The following CALCRL variants were observed in gnomAD, a reference collection of about 807,000 sequenced individuals.
The protein encoded by CALCRL is calcitonin receptor like receptor.
In CALCRL, 27 loss-of-function variants were observed where a neutral mutation model predicts 60.4. That is an observed-to-expected ratio of 0.45 (90% CI 0.33 to 0.62). The LOEUF is 0.62. CALCRL is among the 20% of genes least tolerant of loss of function. The pLI is 0.03. For synonymous variants in CALCRL, 190 were observed against 182.6 expected (o/e 1.04, Z -0.33); for missense variants, 424 against 540.7 (o/e 0.78, Z 2.14).
At chr2:187,391,349 G>T (rs1478396202) in intron 1 of CALCRL, among the ~76,000 whole-genome samples, 2 of 152,100 alleles carry the variant, frequency 1.3e-5, no homozygotes, top group African/African-American at 4.8e-5. Context: ...ATTATTTACT[G>T]ATAATTGAAC....
At chr2:187,422,207 T>C (rs1300432013) in intron 1 of CALCRL, among the ~76,000 whole-genome samples, 5 of 152,196 alleles carry the variant, frequency 3.3e-5, no homozygotes, top group Admixed American at 1.3e-4. Context: ...AAAATAGATA[T>C]TTATATCTGT....
chr2:187,403,003 CAAGGAGAGACCATGTG>C (rs1203789951), intron 1 of CALCRL, among the ~76,000 whole-genome samples: 5 of 151,360 alleles, frequency 3.3e-5, no homozygotes, highest in African/African-American at 1.2e-4. Context: ...CTGCATGCAC[CAAGGAGAGACCATGTG>C]AAGATACAAC....
At chr2:187,352,055 G>A (rs1686556721) in intron 13 of CALCRL, 59 bp downstream of exon 13, 3 of 1,549,708 alleles carry the variant, frequency 1.9e-6, no homozygotes, top group East Asian at 2.2e-5. Flanking sequence ...GTAAACCAAA[G>A]CTATATGTAT....
At chr2:187,368,731 T>G (rs1339120856) in intron 8 of CALCRL, among the ~76,000 whole-genome samples, 1 of 152,134 alleles carries the variant, frequency 6.6e-6, no homozygotes, top group African/African-American at 2.4e-5. Flanking sequence ...TAGCACAGTC[T>G]ACAAAGTATT....
intron 1 of CALCRL, among the ~76,000 whole-genome samples, chr2:187,445,072 T>C (rs574493668): frequency 2.8e-4 from 43 of 151,760 alleles, no homozygotes; most frequent in African/African-American, 9.6e-4. Flanking sequence ...TGAATGTTTA[T>C]AGTTTACCCA....
At chr2:187,378,157 G>A (rs1293695963) in intron 8 of CALCRL, among the ~76,000 whole-genome samples, 1 of 151,914 alleles carries the variant, frequency 6.6e-6, no homozygotes, top group Non-Finnish European at 1.5e-5. Flanking sequence ...AGAAGAAAGA[G>A]AAGGAGCAGC....
chr2:187,424,262 AT>A (rs1690023745), intron 1 of CALCRL, among the ~76,000 whole-genome samples: 1 of 151,966 alleles, frequency 6.6e-6, no homozygotes, highest in African/African-American at 2.4e-5. Context: ...CTTGGCAGGA[AT>A]GTTTTAGATT....
At position 187,346,330 on chromosome 2, in the gene CALCRL, C is replaced by T. The variant is rs777141533; in HGVS notation, c.1240G>A (p.Glu414Lys). The T allele has an allele frequency of 5.0e-6, 8 of 1,612,402 alleles. No individual in the cohort carries two copies. The East Asian group carries it at 1.6e-4, about 31-fold the overall frequency. The part of the protein sequence containing the change: ...IQFGNSFSNS[E>K]ALRSASYTVS... ...GTGTAAGACGCACTACGAAGAGCTT[C>T]TGAGTTGGAAAAGCTGTTTCCAAAT... Residue 414 changes from glutamate (E) to lysine (K), a missense_variant, in exon 15 of 15, where the codon GAA (glutamate) becomes AAA (lysine). By Grantham distance (56) the Glu-to-Lys change is moderately conservative. Around this residue, in one of 7 missense-constraint regions of CALCRL, gnomAD observed 222 missense variants for 265.6 expected, o/e 0.84. Transcript: ENST00000392370.
At chr2:187,382,998 A>C (rs944581673) in intron 5 of CALCRL, among the ~76,000 whole-genome samples, 175 bp downstream of exon 5, 3 of 152,212 alleles carry the variant, frequency 2.0e-5, no homozygotes, top group African/African-American at 7.2e-5. Flanking sequence ...GTTTTTAAAA[A>C]GCGATATAAC....
At chr2:187,366,816 T>C (rs900433035) in intron 8 of CALCRL, among the ~76,000 whole-genome samples, 1 of 151,884 alleles carries the variant, frequency 6.6e-6, no homozygotes, top group Non-Finnish European at 1.5e-5. Context: ...AATTCCATTT[T>C]TTTTACCCTG....
At chr2:187,414,031 T>A (rs1051637057) in intron 1 of CALCRL, among the ~76,000 whole-genome samples, 1 of 152,088 alleles carries the variant, frequency 6.6e-6, no homozygotes, top group African/African-American at 2.4e-5. Context: ...ACTTGACATA[T>A]TGGAATGAGG....
At chr2:187,402,662 G>T (rs1025009708) in intron 1 of CALCRL, among the ~76,000 whole-genome samples, 2 of 151,708 alleles carry the variant, frequency 1.3e-5, no homozygotes, top group African/African-American at 4.8e-5. Flanking sequence ...TTTGCTGGTA[G>T]TGGCAGCCAG....
intron 8 of CALCRL, among the ~76,000 whole-genome samples, chr2:187,373,343 T>G (rs896072388): frequency 6.6e-6 from 1 of 152,194 alleles, no homozygotes; most frequent in Non-Finnish European, 1.5e-5. Context: ...TAATATTGAT[T>G]CAAAAATTGA....
At chr2:187,444,751 G>T (rs1423269932) in intron 1 of CALCRL, among the ~76,000 whole-genome samples, 2 of 151,322 alleles carry the variant, frequency 1.3e-5, no homozygotes, top group Non-Finnish European at 3.0e-5. Flanking sequence ...CTTAAAAATT[G>T]AATACATTTC....
chr2:187,359,278 A>G lies in CALCRL; in HGVS notation c.782-6T>C. The G allele has an allele frequency of 6.6e-7, 1 of 1,508,736 alleles. No homozygotes were observed. The allele number at this position is 1,508,736 out of a possible 1,614,324, so 93.5% of individuals were successfully genotyped here. ...AGCAGGAATCAGTGGAAATCCTGTAATAACAAAAAAAAAAGAAAATAAATA... is the reference window on the plus strand; with the variant it reads ...AGCAGGAATCAGTGGAAATCCTGTAGTAACAAAAAAAAAAGAAAATAAATA... On this transcript the variant is annotated splice_region_variant and splice_polypyrimidine_tract_variant and intron_variant, in intron 10 of 14. Transcript: ENST00000392370.
intron 12 of CALCRL, 127 bp downstream of exon 12, chr2:187,358,936 T>C: frequency 1.3e-6 from 1 of 795,730 alleles, no homozygotes; most frequent in East Asian, 2.4e-5. Flanking sequence ...ACGCTATTCA[T>C]TTAAGCACTG....
chr2:187,414,256 A>G (rs1437964640), intron 1 of CALCRL, among the ~76,000 whole-genome samples: 1 of 152,124 alleles, frequency 6.6e-6, no homozygotes, highest in Non-Finnish European at 1.5e-5. Flanking sequence ...TTAGGATGTG[A>G]GTATGGGAAA....
chr2:187,403,333 G>A (rs1457759765), intron 1 of CALCRL, among the ~76,000 whole-genome samples: 2 of 151,776 alleles, frequency 1.3e-5, no homozygotes, highest in African/African-American at 4.8e-5. Flanking sequence ...GAATAAAATG[G>A]GTGGTGGGGA....
chr2:187,403,393 G>C (rs1363276435), intron 1 of CALCRL, among the ~76,000 whole-genome samples: 1 of 151,774 alleles, frequency 6.6e-6, no homozygotes, highest in Non-Finnish European at 1.5e-5. Context: ...GTCCAGGAGG[G>C]TTTTTCTGCA....
Sources: allele counts gnomAD v4.1 joint callset (sites outside exome capture counted in the v4.1 genomes callset), GRCh38; gene constraint gnomAD v4.1.1; regional missense constraint gnomAD v4.1.1; transcripts MANE v1.5; gene names NCBI Gene and HGNC (gene_info 2026-07-23, HGNC 2026-07-21).